The following SLIT2 variants were observed in gnomAD, a reference collection of about 807,000 sequenced individuals.
The protein encoded by SLIT2 is slit guidance ligand 2, also known as slit homolog 2 protein.
In SLIT2, 41 loss-of-function variants were observed where a neutral mutation model predicts 185.7. The ratio of observed to expected loss-of-function variants is 0.22; its 90% CI spans 0.17 to 0.29. SLIT2 has a LOEUF of 0.29. SLIT2 is among the 10% of genes least tolerant of loss of function. SLIT2 has a pLI of 1.00. For missense variants in SLIT2, 1,571 were observed against 1,909.0 expected (o/e 0.82, Z 3.30); for synonymous variants, 693 against 680.2 (o/e 1.02, Z -0.29).
chr4:20,342,506 A>G (rs1721037306), intron 4 of SLIT2, among the ~76,000 whole-genome samples: 1 of 152,044 alleles, frequency 6.6e-6, no homozygotes, highest in East Asian at 1.9e-4. Context: ...AATTTGACTC[A>G]CGCTATTTCT....
Position 20,268,716 on chromosome 4 carries a change from T to C in SLIT2, c.324-94T>C, listed in dbSNP as rs1382778858. ...TCCTGAATGTCATTTCATTCTTTTC[T>C]GAAATACAGGATGAGGCATGACACT... On this transcript the variant is annotated intron_variant, in intron 3 of 36. Transcript: ENST00000504154. 6.0e-6 allele frequency: 5 copies of C among 837,708 alleles called. No homozygotes were observed. The African/African-American group carries it at 8.4e-5, about 14-fold the overall frequency. The allele number at this position is 837,708 out of a possible 1,614,324, so 51.9% of individuals were successfully genotyped here. A position where few individuals can be genotyped will look rare whatever the true frequency, so the allele number is the denominator to read the frequency against.
chr4:20,514,629 A>C (rs531848142), intron 11 of SLIT2, among the ~76,000 whole-genome samples: 49 of 152,264 alleles, frequency 3.2e-4, no homozygotes, highest in African/African-American at 1.1e-3. Context: ...TGGGCAACCA[A>C]GTGAGTCTCT....
At chr4:20,502,841 G>A (rs1285670115) in intron 9 of SLIT2, among the ~76,000 whole-genome samples, 1 of 152,160 alleles carries the variant, frequency 6.6e-6, no homozygotes, top group Non-Finnish European at 1.5e-5. Context: ...CACTAACATG[G>A]AATGGAGGGT....
At chr4:20,297,692 C>A (rs548682880) in intron 4 of SLIT2, among the ~76,000 whole-genome samples, 115 of 147,244 alleles carry the variant, frequency 7.8e-4, no homozygotes, top group African/African-American at 2.8e-3. Context: ...AAAAAAATCT[C>A]ATGGGTTTTT....
chr4:20,270,159 A>G (rs767728098), intron 4 of SLIT2, among the ~76,000 whole-genome samples: 5 of 152,144 alleles, frequency 3.3e-5, no homozygotes, highest in Non-Finnish European at 7.4e-5. Flanking sequence ...TAGGTTTGCT[A>G]TAAAGATTAT....
At position 20,528,367 on chromosome 4, in the gene SLIT2, G is replaced by A. The variant is rs539543647; in HGVS notation, c.1463-582G>A. 8 of 534,254 alleles carry A rather than the reference G, an allele frequency of 1.5e-5. No individual in the cohort carries two copies. Among genetic ancestry groups the A allele is most frequent in the Admixed American group, 3.9e-5 (2 of 51,550 alleles). The allele number at this position is 534,254 out of a possible 1,614,324, so 33.1% of individuals were successfully genotyped here. A position where few individuals can be genotyped will look rare whatever the true frequency, so the allele number is the denominator to read the frequency against. On this transcript the variant is annotated intron_variant, in intron 15 of 36. Coordinates refer to ENST00000504154, the MANE Select transcript of SLIT2 (RefSeq NM_004787.4). This position sits in a 1 kb window ranked among gnomAD's most constrained non-coding sequence, Gnocchi z 4.2. The stretch of plus-strand genomic sequence containing the variant: ...ATGGTTCCGTCAAGCACCATGGAAC[G>A]TCACGCAGCTTTCTACAGCATGACA...
chr4:20,520,690 C>T lies in SLIT2; in HGVS notation c.1130+1237C>T, dbSNP rs535182293. Among the ~76,000 whole-genome samples, 286 of 152,186 alleles carry T rather than the reference C, an allele frequency of 1.9e-3. 1 individual carries two copies. Among genetic ancestry groups the T allele is most frequent in the Middle Eastern group, 0.01 (3 of 294 alleles). ...ATGCAGAAATGTATTTTACATTACA[C>T]CTTAGCACACACACACCCAAACAAA... On this transcript the variant is annotated intron_variant, in intron 12 of 36. Coordinates refer to ENST00000504154, the MANE Select transcript of SLIT2 (RefSeq NM_004787.4).
At chr4:20,609,146 T>C (rs1382514258) in intron 33 of SLIT2, among the ~76,000 whole-genome samples, 1 of 152,184 alleles carries the variant, frequency 6.6e-6, no homozygotes, top group East Asian at 1.9e-4. Flanking sequence ...GTAAAACATA[T>C]TTACTAATTG....
chr4:20,533,112 C>T (rs1043302862), intron 17 of SLIT2, among the ~76,000 whole-genome samples: 5 of 152,190 alleles, frequency 3.3e-5, no homozygotes, highest in Non-Finnish European at 5.9e-5. Flanking sequence ...ATGAGACATT[C>T]TTCTGGGAAT....
At chr4:20,286,632 C>A (rs996363524) in intron 4 of SLIT2, among the ~76,000 whole-genome samples, 2 of 152,088 alleles carry the variant, frequency 1.3e-5, no homozygotes, top group African/African-American at 4.8e-5. Flanking sequence ...GAAACTCTGT[C>A]TCTACTAAAA....
chr4:20,524,788 A>G (rs1721141313), intron 14 of SLIT2, among the ~76,000 whole-genome samples: 1 of 152,216 alleles, frequency 6.6e-6, no homozygotes, highest in Non-Finnish European at 1.5e-5. Flanking sequence ...TTGTATTGAT[A>G]TTAAATGAAA....
chr4:20,472,279 T>G (rs1310014213), intron 5 of SLIT2, among the ~76,000 whole-genome samples: 14 of 22,542 alleles, frequency 6.2e-4, no homozygotes, highest in Non-Finnish European at 9.0e-4. Flanking sequence ...TATATATCTA[T>G]ATATATAGAT....
intron 4 of SLIT2, among the ~76,000 whole-genome samples, chr4:20,273,906 C>T (rs1713889765): frequency 1.3e-5 from 2 of 152,168 alleles, no homozygotes; most frequent in Non-Finnish European, 2.9e-5. Flanking sequence ...TGTTTGGCCC[C>T]TGCCACAATA....
At chr4:20,306,298 A>G (rs1717542271) in intron 4 of SLIT2, among the ~76,000 whole-genome samples, 1 of 152,144 alleles carries the variant, frequency 6.6e-6, no homozygotes, top group Non-Finnish European at 1.5e-5. Flanking sequence ...TTTGATCATT[A>G]CGTTTCCTGT....
chr4:20,270,571 G>T (rs1400650043), intron 4 of SLIT2, among the ~76,000 whole-genome samples: 1 of 151,972 alleles, frequency 6.6e-6, no homozygotes, highest in African/African-American at 2.4e-5. Flanking sequence ...GGAAAATGGG[G>T]AAACAGGCAG....
chr4:20,339,774 T>A (rs2109227904), intron 4 of SLIT2, among the ~76,000 whole-genome samples: 1 of 152,198 alleles, frequency 6.6e-6, no homozygotes, highest in Middle Eastern at 3.4e-3. Context: ...ATTTCTATCC[T>A]GAAGACCCCA....
At chr4:20,442,398 C>G (rs2148702194) in intron 4 of SLIT2, among the ~76,000 whole-genome samples, 1 of 152,124 alleles carries the variant, frequency 6.6e-6, no homozygotes, top group Non-Finnish European at 1.5e-5. Context: ...GTGGCGGGCG[C>G]CTGTAGTCCC....
rs1213175503 is a variant in SLIT2 at position 20,596,604 on chromosome 4, T to C, written c.3510T>C (p.Tyr1170=). 1 of 1,613,972 alleles carries C rather than the reference T, an allele frequency of 6.2e-7. No homozygotes were observed. Among genetic ancestry groups the C allele is most frequent in the East Asian group, 2.2e-5 (1 of 44,840 alleles). ...VSVNFINKES[Y]LQIPSAKVRP... ...TGAATTTTATAAACAAAGAGTCTTA[T>C]CTTCAGATTCCTTCAGCCAAGGTTC... The change falls in exon 32 of 37, where the codon TAT becomes TAC. Residue 1170 remains tyrosine (Y), a synonymous_variant. Coordinates refer to ENST00000504154, the MANE Select transcript of SLIT2 (RefSeq NM_004787.4).
intron 4 of SLIT2, among the ~76,000 whole-genome samples, chr4:20,333,789 T>A (rs893250538): frequency 2.0e-5 from 3 of 152,186 alleles, no homozygotes; most frequent in African/African-American, 7.2e-5. Flanking sequence ...GATGTTGTAT[T>A]GCTTTTATTT....
Sources: gnomAD v4.1 joint callset for allele counts (sites outside exome capture counted in the v4.1 genomes callset) on GRCh38, gnomAD v4.1.1 for gene constraint, Gnocchi (gnomAD v3.1) non-coding constraint, MANE v1.5 for transcripts, NCBI Gene and HGNC (gene_info 2026-07-23, HGNC 2026-07-21) for gene names.